The following PTGER4 variants were observed in gnomAD, a reference collection of about 807,000 sequenced individuals.
PTGER4 encodes the protein prostaglandin E2 receptor EP4 subtype.
PTGER4 carries 11 observed loss-of-function variants against 33.2 expected under a neutral mutation model. The ratio of observed to expected loss-of-function variants is 0.33; its 90% CI spans 0.21 to 0.55. PTGER4 has a LOEUF of 0.55. Ranked by LOEUF, PTGER4 falls within the 20% of genes least tolerant of loss-of-function variation. The pLI is 0.92. For synonymous variants in PTGER4, 275 were observed against 281.5 expected, an observed-to-expected ratio of 0.98 and a Z score of 0.23; for missense variants, 481 against 650.2, an observed-to-expected ratio of 0.74 and a Z score of 2.83.
downstream of PTGER4, among the ~76,000 whole-genome samples, chr5:40,696,954 GAA>G (rs1741593942): frequency 9.9e-6 from 1 of 100,974 alleles, no homozygotes; most frequent in African/African-American, 3.7e-5. Flanking sequence ...AGGAAAGAGA[GAA>G]AGAGAGAAAG....
chr5:40,693,692 C>A lies in PTGER4; in HGVS notation c.*1314C>A. The A allele has an allele frequency of 1.0e-6, 1 of 979,816 alleles. No individual in the cohort carries two copies. Among genetic ancestry groups the A allele is most frequent in the Non-Finnish European group, 1.2e-6 (1 of 824,404 alleles). The allele number at this position is 979,816 out of a possible 1,614,324, so 60.7% of individuals were successfully genotyped here. A position where few individuals can be genotyped will look rare whatever the true frequency, so the allele number is the denominator to read the frequency against. ...ATATGGTTTTAAGAAGCAGTTGTAC[C>A]AAGTGAAATTATTTTGGAGATTATA... On this transcript the variant is annotated 3_prime_UTR_variant, in exon 3 of 3. Coordinates refer to ENST00000302472, the MANE Select transcript of PTGER4 (RefSeq NM_000958.3).
chr5:40,716,609 T>A, the PTGER4 span: 1 of 685,860 alleles, frequency 1.5e-6, no homozygotes. Flanking sequence ...CCTAATGCAT[T>A]ATCTTAATGT....
downstream of PTGER4, among the ~76,000 whole-genome samples, chr5:40,694,415 A>G (rs939950790): frequency 6.7e-6 from 1 of 149,026 alleles, no homozygotes; most frequent in African/African-American, 2.6e-5. Flanking sequence ...TGCATTAGTC[A>G]GCTAAGGCTG....
chr5:40,680,317 T>C lies in PTGER4; in HGVS notation c.-205T>C, dbSNP rs1488535450. ...TGAAAGCTGGCAACTCTGACCTCGG[T>C]GTCCAAAAATCGACAGCCACTGAGA... On this transcript the variant is annotated 5_prime_UTR_variant, in exon 1 of 3. Coordinates refer to ENST00000302472, the MANE Select transcript of PTGER4 (RefSeq NM_000958.3). This position sits in a 1 kb window ranked among gnomAD's most constrained non-coding sequence, Gnocchi z 5.5. 1 of 152,804 alleles carries C rather than the reference T, an allele frequency of 6.5e-6. No homozygotes were observed. The highest frequency in any genetic ancestry group is 1.5e-5 in the Non-Finnish European group (1 of 68,362). The allele number at this position is 152,804 out of a possible 1,614,324, so 9.5% of individuals were successfully genotyped here. A position where few individuals can be genotyped will look rare whatever the true frequency, so the allele number is the denominator to read the frequency against.
chr5:40,698,641 C>T (rs975409617), downstream of PTGER4, among the ~76,000 whole-genome samples: 6 of 152,004 alleles, frequency 3.9e-5, no homozygotes, highest in East Asian at 1.9e-4. Context: ...CAGTAACTGC[C>T]GAGATTGAAA....
chr5:40,700,035 T>C, the PTGER4 span, among the ~76,000 whole-genome samples: 1 of 152,194 alleles, frequency 6.6e-6, no homozygotes, highest in African/African-American at 2.4e-5. Context: ...AAAGACATGT[T>C]AGGTATGTAG....
chr5:40,697,222 GA>G (rs1436152810), downstream of PTGER4, among the ~76,000 whole-genome samples: 2 of 77,302 alleles, frequency 2.6e-5, no homozygotes, highest in African/African-American at 9.6e-5. Context: ...GAAAAAGAAA[GA>G]AGAAAAGAAA....
chr5:40,695,461 G>T (rs1327384545), downstream of PTGER4, among the ~76,000 whole-genome samples: 1 of 151,968 alleles, frequency 6.6e-6, no homozygotes, highest in South Asian at 2.1e-4. Flanking sequence ...CAGGAGAATC[G>T]TTTAAACCCG....
chr5:40,684,271 A>T lies in PTGER4; in HGVS notation c.867+2411A>T, dbSNP rs562791670. The stretch of plus-strand genomic sequence containing the variant: ...AGATTAAAGCTCAGAACTCTCTGAC[A>T]TTGAAAGCAGTTGAGCTTATCTTCA... On this transcript the variant is annotated intron_variant, in intron 2 of 2. Transcript: ENST00000302472. Among the ~76,000 whole-genome samples, 3 of 152,288 alleles carry T rather than the reference A, an allele frequency of 2.0e-5. No homozygotes were observed. In the East Asian group the frequency reaches 5.8e-4, roughly 29 times the overall value.
the PTGER4 span, among the ~76,000 whole-genome samples, chr5:40,729,002 G>T: frequency 6.6e-6 from 1 of 152,146 alleles, no homozygotes; most frequent in Non-Finnish European, 1.5e-5. Context: ...GAGAGTTAGG[G>T]TTACCAGAGA....
At chr5:40,718,078 T>C in the PTGER4 span, among the ~76,000 whole-genome samples, 1 of 149,870 alleles carries the variant, frequency 6.7e-6, no homozygotes, top group Admixed American at 6.6e-5. Flanking sequence ...AAAAAAAGAT[T>C]GCACATAATC....
At chr5:40,730,223 CA>C in the PTGER4 span, 1 of 1,507,016 alleles carries the variant, frequency 6.6e-7, no homozygotes, top group Non-Finnish European at 9.2e-7. Flanking sequence ...AAACATAGCA[CA>C]ATTTCATAAG....
At chr5:40,694,598 G>C (rs1373536438), downstream of PTGER4, among the ~76,000 whole-genome samples, 5 of 152,066 alleles carry the variant, frequency 3.3e-5, no homozygotes, top group African/African-American at 4.8e-5. Flanking sequence ...CTTTTCTCCA[G>C]GTGAGCACAT....
the PTGER4 span, among the ~76,000 whole-genome samples, chr5:40,725,716 T>C: frequency 0.064 from 9,718 of 151,994 alleles, 561 homozygotes; most frequent in East Asian, 0.31. Context: ...AAATCCCTTA[T>C]GTATTCCTTT....
rs1006251317 is a variant in PTGER4 at position 40,691,114 on chromosome 5, G to C, written c.868-665G>C. ...CAGCTCACTGCAACCTCCACCCGCC[G>C]CATTCAAGCCATTCTCCTGCCTCAC... On this transcript the variant is annotated intron_variant, in intron 2 of 2. Transcript: ENST00000302472. This position sits in a 1 kb window ranked among gnomAD's most constrained non-coding sequence, Gnocchi z 4.2. 6.6e-6 allele frequency among the ~76,000 whole-genome samples: 1 copy of C among 151,794 alleles called. No homozygotes were observed. The highest frequency in any genetic ancestry group is 1.5e-5 in the Non-Finnish European group (1 of 67,950).
chr5:40,717,606 T>C, the PTGER4 span, among the ~76,000 whole-genome samples: 1 of 152,224 alleles, frequency 6.6e-6, no homozygotes, highest in Non-Finnish European at 1.5e-5. Flanking sequence ...CTTCCTTTCC[T>C]AGTTGTGATA....
the PTGER4 span, among the ~76,000 whole-genome samples, chr5:40,701,256 A>C: frequency 3.3e-5 from 5 of 152,348 alleles, no homozygotes; most frequent in Admixed American, 6.5e-5. Context: ...AAGATGGCAA[A>C]ACCAAATCCA....
chr5:40,701,815 C>T, the PTGER4 span, among the ~76,000 whole-genome samples: 1 of 152,274 alleles, frequency 6.6e-6, no homozygotes, highest in African/African-American at 2.4e-5. Context: ...GGATCCCCAT[C>T]AGGCTAACAG....
Position 40,692,249 on chromosome 5 carries a change from G to C in PTGER4, c.1338G>C (p.Gln446His), listed in dbSNP as rs1561131875. The stretch of plus-strand genomic sequence containing the variant: ...AGACCTCAGACTCTTCACAGGGTCA[G>C]GACTCAGAGAGTGTCTTACTGGTGG... The part of the protein sequence containing the change: ...ISETSDSSQG[Q>H]DSESVLLVDE... The change falls in exon 3 of 3, where the codon CAG becomes CAC. Residue 446 changes from glutamine (Q) to histidine (H), a missense_variant. Gln to His is a conservative substitution (Grantham distance 24). Around this residue, in one of 7 missense-constraint regions of PTGER4, gnomAD observed 172 missense variants for 199.2 expected, o/e 0.86. Transcript: ENST00000302472. 1.2e-6 allele frequency: 2 copies of C among 1,614,228 alleles called. No individual in the cohort carries two copies. The highest frequency in any genetic ancestry group is 3.3e-5 in the Admixed American group (2 of 60,028).
Sources: allele counts gnomAD v4.1 joint callset (sites outside exome capture counted in the v4.1 genomes callset), GRCh38; gene constraint gnomAD v4.1.1; regional missense constraint gnomAD v4.1.1; non-coding constraint Gnocchi (gnomAD v3.1); transcripts MANE v1.5; gene names NCBI Gene and HGNC (gene_info 2026-07-23, HGNC 2026-07-21).